The following USP34 variants were observed in gnomAD, a reference collection of about 807,000 sequenced individuals.
USP34 encodes ubiquitin carboxyl-terminal hydrolase 34.
A neutral mutation model predicts 460.3 loss-of-function variants in USP34; 70 were observed. The observed-to-expected ratio is 0.15, with a 90% confidence interval of 0.13 to 0.19. USP34 has a LOEUF of 0.19. Among genes scored for constraint, USP34 ranks in the 10% least tolerant of loss-of-function variants. USP34 has a pLI of 1.00. For synonymous variants in USP34, 1,647 were observed against 1,405.3 expected, an observed-to-expected ratio of 1.17 and a Z score of -3.85; for missense variants, 3,985 against 4,236.2, an observed-to-expected ratio of 0.94 and a Z score of 1.65.
intron 25 of USP34, among the ~76,000 whole-genome samples, chr2:61,312,909 T>C (rs896066830): frequency 7.2e-5 from 11 of 152,208 alleles, no homozygotes; most frequent in Non-Finnish European, 5.9e-5. Flanking sequence ...ATTATAACTT[T>C]ATCTCTTTTT....
chr2:61,206,556 C>T (rs1308128205), intron 71 of USP34, among the ~76,000 whole-genome samples: 1 of 152,160 alleles, frequency 6.6e-6, no homozygotes, highest in African/African-American at 2.4e-5. Flanking sequence ...GCGTATTTTT[C>T]AGGCAGGTAC....
rs143663741 is a variant in USP34, at chr2:61,412,507, T to A, written c.132-6379A>T. ...ATATCATTTACAGTTTAAAAACCAA[T>A]TAAAATTATAGCAATTTGTAAAATT... is the stretch of plus-strand genomic sequence containing the variant. On this transcript the variant is annotated intron_variant, in intron 2 of 79. Coordinates refer to ENST00000398571, the MANE Select transcript of USP34 (RefSeq NM_014709.4). 9.7e-3 allele frequency among the ~76,000 whole-genome samples: 1,477 copies of A among 151,978 alleles called. 18 individuals are homozygous for A. Among genetic ancestry groups the A allele is most frequent in the Non-Finnish European group, 0.011 (721 of 67,956 alleles).
Position 61,311,695 on chromosome 2 carries a change from A to G in USP34, c.3670-8T>C, listed in dbSNP as rs1284843921. 1 of 1,609,248 alleles carries G rather than the reference A, an allele frequency of 6.2e-7. No homozygotes were observed. The highest frequency in any genetic ancestry group is 2.2e-5 in the East Asian group (1 of 44,844). ...ATACATTTCAATAGTCATCTGAAAT[A>G]TGAGATGCAACCAATTTAAAAATAC... On this transcript the variant is annotated splice_polypyrimidine_tract_variant and splice_region_variant and intron_variant, in intron 26 of 79. Transcript: ENST00000398571.
chr2:61,232,505 C>A lies in USP34; in HGVS notation c.7060G>T (p.Asp2354Tyr). 2 of 1,610,218 alleles carry A rather than the reference C, an allele frequency of 1.2e-6. No individual in the cohort carries two copies. The highest frequency in any genetic ancestry group is 1.1e-5 in the South Asian group (1 of 89,864). The change falls in exon 58 of 80, where the codon GAC becomes TAC. Residue 2354 changes from aspartate (D) to tyrosine (Y), a missense_variant. Around this residue, in one of 14 missense-constraint regions of USP34, gnomAD observed 604 missense variants for 684.8 expected, o/e 0.88. Coordinates refer to ENST00000398571, the MANE Select transcript of USP34 (RefSeq NM_014709.4). ...EWFLDRMADD[D>Y]WWPMQILIKC... ...ATTAGTATCTGCATTGGCCACCAGTCGTCATCAGCCATACGATCTAAAAAC... is the reference window on the plus strand; with the variant it reads ...ATTAGTATCTGCATTGGCCACCAGTAGTCATCAGCCATACGATCTAAAAAC...
chr2:61,236,462 CAAAA>C (rs757475875), intron 53 of USP34, 73 bp from the exon 54 acceptor site: 1 of 1,143,350 alleles, frequency 8.7e-7, no homozygotes, highest in South Asian at 1.7e-5. Context: ...TTTTATTAGA[CAAAA>C]AGTCTCTTCT....
At chr2:61,211,964 C>A in intron 68 of USP34, 35 bp from the exon 69 acceptor site, 2 of 1,564,186 alleles carry the variant, frequency 1.3e-6, no homozygotes, top group Non-Finnish European at 8.6e-7. Flanking sequence ...GATCTTTTAA[C>A]CCTATAGCAT....
At chr2:61,250,866 C>T (rs890648733) in intron 48 of USP34, among the ~76,000 whole-genome samples, 6 of 152,258 alleles carry the variant, frequency 3.9e-5, no homozygotes, top group Admixed American at 1.3e-4. Context: ...AGGCTGGGTG[C>T]GGTGGCTCAC....
intron 35 of USP34, among the ~76,000 whole-genome samples, chr2:61,284,014 C>T (rs573833600): frequency 6.6e-6 from 1 of 152,030 alleles, no homozygotes; most frequent in Non-Finnish European, 1.5e-5. Context: ...ATCTATTACA[C>T]AGCAGGGTGT....
intron 34 of USP34, among the ~76,000 whole-genome samples, chr2:61,287,785 GTAGTT>G (rs1689732919): frequency 6.6e-6 from 1 of 152,192 alleles, no homozygotes. Flanking sequence ...CAGGCTATCA[GTAGTT>G]AAGTTCTAGG....
chr2:61,296,976 GTT>G (rs748662537), intron 29 of USP34, 51 bp from the exon 30 acceptor site: 26 of 1,530,218 alleles, frequency 1.7e-5, no homozygotes, highest in Non-Finnish European at 2.2e-5. Flanking sequence ...AAAAGAAAAA[GTT>G]TTAAGTTCAA....
chr2:61,220,365 C>T lies in USP34; in HGVS notation c.7992G>A (p.Met2664Ile). The T allele has an allele frequency of 6.2e-7, 1 of 1,613,906 alleles. No homozygotes were observed. Among genetic ancestry groups the T allele is most frequent in the Non-Finnish European group, 8.5e-7 (1 of 1,179,906 alleles). Residue 2664 changes from methionine (M) to isoleucine (I), a missense_variant, in exon 67 of 80, where the codon ATG becomes ATA. Around this residue, in one of 14 missense-constraint regions of USP34, gnomAD observed 604 missense variants for 684.8 expected, o/e 0.88. Transcript: ENST00000398571. ...KLAHSWVLQN[M>I]ENWVERFLLA... ...AAAGAAACCGCTCGACCCAGTTTTCCATATTCTGTAAGACCCAGCTGTGTG... is the reference window on the plus strand; with the variant it reads ...AAAGAAACCGCTCGACCCAGTTTTCTATATTCTGTAAGACCCAGCTGTGTG...
intron 41 of USP34, among the ~76,000 whole-genome samples, chr2:61,269,362 C>T (rs2103928064): frequency 6.8e-6 from 1 of 148,122 alleles, no homozygotes; most frequent in East Asian, 2.0e-4. Context: ...GACAGGGTTT[C>T]ACCAGGTTAC....
chr2:61,348,812 C>G lies in USP34; in HGVS notation c.1618G>C (p.Asp540His). 6.2e-7 allele frequency: 1 copy of G among 1,613,882 alleles called. No homozygotes were observed. The highest frequency in any genetic ancestry group is 8.5e-7 in the Non-Finnish European group (1 of 1,179,908). Residue 540 changes from aspartate (D) to histidine (H), a missense_variant, in exon 14 of 80, where the codon GAT (aspartate) becomes CAT (histidine). This residue lies in a region of USP34 where 716 missense variants were observed against 626.2 expected (regional missense o/e 1.14). Coordinates refer to ENST00000398571, the MANE Select transcript of USP34 (RefSeq NM_014709.4). ...TTGGTTCTATTAATAAGTTGCTCAT[C>G]CATTTCAATGTCACTACCTCCACTT... ...HQSGGSDIEM[D>H]EQLINRTKHV...
chr2:61,201,137 A>G (rs1013666444), intron 75 of USP34, among the ~76,000 whole-genome samples: 1 of 152,004 alleles, frequency 6.6e-6, no homozygotes, highest in African/African-American at 2.4e-5. Context: ...CAAGTTCTCA[A>G]CACTCACAAA....
At chr2:61,456,531 G>T (rs1695445775) in intron 1 of USP34, among the ~76,000 whole-genome samples, 1 of 152,118 alleles carries the variant, frequency 6.6e-6, no homozygotes, top group Non-Finnish European at 1.5e-5. Flanking sequence ...AAATGGTGCA[G>T]TAGTGCTGGG....
intron 1 of USP34, among the ~76,000 whole-genome samples, chr2:61,435,165 C>G (rs1018013863): frequency 6.6e-6 from 1 of 151,646 alleles, no homozygotes; most frequent in African/African-American, 2.4e-5. Context: ...ATTAGCTGGA[C>G]ATGGTGGTGA....
chr2:61,229,027 G>C lies in USP34; in HGVS notation c.7200-32C>G, dbSNP rs1169590117. 15 of 1,484,852 alleles carry C rather than the reference G, an allele frequency of 1.0e-5. No homozygotes were observed. The East Asian group carries it at 3.2e-4, about 32-fold the overall frequency. The allele number at this position is 1,484,852 out of a possible 1,614,324, so 92.0% of individuals were successfully genotyped here. A position where few individuals can be genotyped will look rare whatever the true frequency, so the allele number is the denominator to read the frequency against. ...GACAATTAAATAGATCTTAGAGAAT[G>C]TATGAGGTCTGGAAATACTGTTCGA... On this transcript the variant is annotated intron_variant, in intron 59 of 79. Coordinates refer to ENST00000398571, the MANE Select transcript of USP34 (RefSeq NM_014709.4).
intron 41 of USP34, among the ~76,000 whole-genome samples, chr2:61,273,937 A>T (rs1442759560): frequency 6.6e-6 from 1 of 152,162 alleles, no homozygotes; most frequent in Non-Finnish European, 1.5e-5. Context: ...TATCCATTTC[A>T]TTCCTTTCAC....
intron 8 of USP34, among the ~76,000 whole-genome samples, chr2:61,375,967 T>C (rs906608638): frequency 6.6e-6 from 1 of 151,622 alleles, no homozygotes; most frequent in East Asian, 1.9e-4. Context: ...CAGAAGAAAA[T>C]GACTACTATC....
Sources: gnomAD v4.1 joint callset for allele counts (sites outside exome capture counted in the v4.1 genomes callset) on GRCh38, gnomAD v4.1.1 for gene constraint, gnomAD v4.1.1 regional missense constraint, MANE v1.5 for transcripts, NCBI Gene and HGNC (gene_info 2026-07-23, HGNC 2026-07-21) for gene names.